The following PTPRN variants were observed in gnomAD, a reference collection of about 807,000 sequenced individuals.
PTPRN encodes the protein protein tyrosine phosphatase receptor type N, also known as receptor-type tyrosine-protein phosphatase-like N.
Under a neutral mutation model 108.5 loss-of-function variants are expected in PTPRN, and 70 were observed. The observed-to-expected ratio is 0.65, with a 90% CI of 0.53 to 0.79. PTPRN has a LOEUF of 0.79. PTPRN is among the 30% of genes least tolerant of loss of function. PTPRN has a pLI of 0.00. For missense variants in PTPRN, 1,136 were observed against 1,295.5 expected, an observed-to-expected ratio of 0.88 and a Z score of 1.89; for synonymous variants, 496 against 524.6, an observed-to-expected ratio of 0.95 and a Z score of 0.75.
At position 219,299,548 on chromosome 2, in the gene PTPRN, C is replaced by A. The variant is rs374440890; in HGVS notation, c.1523+152G>T. ...GGAAGATGCTGGGTGGGGCCAGCAA[C>A]GGGCTGGGTGTGGCTGTACCTTCAG... On this transcript the variant is annotated intron_variant, in intron 10 of 22. Coordinates refer to ENST00000295718, the MANE Select transcript of PTPRN (RefSeq NM_002846.4). The A allele has an allele frequency of 2.8e-5, 32 of 1,137,752 alleles. No individual in the cohort carries two copies. In the Admixed American group the frequency reaches 6.3e-4, roughly 22 times the overall value. 70.5% of individuals were successfully genotyped at this position (1,137,752 alleles called of 1,614,324 possible).
chr2:219,299,473 G>T, intron 10 of PTPRN, 89 bp from the exon 11 acceptor site: 1 of 1,430,140 alleles, frequency 7.0e-7, no homozygotes, highest in Non-Finnish European at 9.9e-7. Context: ...CCCCGTTAGA[G>T]GATGGGGCTG....
Position 219,290,631 on chromosome 2 carries a change from T to A in PTPRN, c.2795-20A>T. The A allele has an allele frequency of 6.5e-7, 1 of 1,549,748 alleles. No individual in the cohort carries two copies. The highest frequency in any genetic ancestry group is 8.7e-7 in the Non-Finnish European group (1 of 1,145,094). ...TCACTCCTGGAGATGGAGGTGGGGA[T>A]GGGGCTGCTCAGGGGGTGTCCAGAG... On this transcript the variant is annotated intron_variant, in intron 21 of 22. Coordinates refer to ENST00000295718, the MANE Select transcript of PTPRN (RefSeq NM_002846.4). This position sits in a 1 kb window ranked among gnomAD's most constrained non-coding sequence, Gnocchi z 4.2.
intron 7 of PTPRN, 94 bp downstream of exon 7, chr2:219,301,494 T>A: frequency 6.8e-7 from 1 of 1,467,372 alleles, no homozygotes; most frequent in South Asian, 1.3e-5. Context: ...GCCTGACTCT[T>A]CCTCTCCAGG....
intron 12 of PTPRN, among the ~76,000 whole-genome samples, chr2:219,298,597 C>A (rs925709038): frequency 4.6e-5 from 7 of 152,144 alleles, no homozygotes; most frequent in African/African-American, 1.4e-4. Flanking sequence ...GTAATCCCAG[C>A]TACTTGGGAG....
intron 6 of PTPRN, 139 bp downstream of exon 6, chr2:219,301,998 G>C (rs1574926239): frequency 2.2e-6 from 2 of 896,754 alleles, no homozygotes; most frequent in Admixed American, 2.9e-5. Flanking sequence ...GCATAGAACA[G>C]CTTGTCAGTA....
Position 219,297,579 on chromosome 2 carries a change from T to TGGAAAG in PTPRN, c.1888-147_1888-146insCTTTCC. The TGGAAAG allele has an allele frequency of 1.2e-6, 1 of 854,520 alleles. No individual in the cohort carries two copies. Among genetic ancestry groups the TGGAAAG allele is most frequent in the Non-Finnish European group, 1.8e-6 (1 of 560,306 alleles). 52.9% of individuals were successfully genotyped at this position (854,520 alleles called of 1,614,324 possible). A position where few individuals can be genotyped will look rare whatever the true frequency, so the allele number is the denominator to read the frequency against. The stretch of plus-strand genomic sequence containing the variant: ...TGGGGTATGGTCTTCTGCCTGGCCC[T>TGGAAAG]GATCCTTTCCAGGGCTGTTTTGCTT... On this transcript the variant is annotated intron_variant, in intron 13 of 22. Coordinates refer to ENST00000295718, the MANE Select transcript of PTPRN (RefSeq NM_002846.4). The surrounding 1 kb of genome is among the most constrained non-coding windows in gnomAD (Gnocchi z 6.0).
intron 19 of PTPRN, among the ~76,000 whole-genome samples, 186 bp downstream of exon 19, chr2:219,294,789 C>T (rs1952140524): frequency 6.6e-6 from 1 of 151,816 alleles, no homozygotes; most frequent in Non-Finnish European, 1.5e-5. Flanking sequence ...GGTGGAGGCT[C>T]GGGGAAGGGC....
At chr2:219,291,188 G>GC (rs1317366949) in intron 20 of PTPRN, among the ~76,000 whole-genome samples, 1 of 152,186 alleles carries the variant, frequency 6.6e-6, no homozygotes, top group Non-Finnish European at 1.5e-5. Context: ...AATTGGATGG[G>GC]CCTCTCTAGC....
intron 1 of PTPRN, chr2:219,308,271 G>C (rs1481272155): frequency 5.2e-6 from 1 of 191,016 alleles, no homozygotes; most frequent in African/African-American, 2.4e-5. Flanking sequence ...GGGTGGGGCT[G>C]GGGAGGGTGT....
In PTPRN at chr2:219,309,286, A is replaced by C. The variant is rs1952567615; in HGVS notation, c.47T>G (p.Leu16Arg). 6.6e-7 allele frequency: 1 copy of C among 1,521,810 alleles called. No homozygotes were observed. The highest frequency in any genetic ancestry group is 2.5e-5 in the East Asian group (1 of 39,956). The allele number at this position is 1,521,810 out of a possible 1,614,324, so 94.3% of individuals were successfully genotyped here. A position where few individuals can be genotyped will look rare whatever the true frequency, so the allele number is the denominator to read the frequency against. ...RPGGLGGSGGLRLLLCLLLLS... is the reference protein window; with the variant it reads ...RPGGLGGSGGRRLLLCLLLLS... ...CAGCAGGAGGCAGAGGAGCAGCCGG[A>C]GACCCCCGGATCCCCCGAGACCCCC... The change falls in exon 1 of 23, where the codon CTC becomes CGC. Residue 16 changes from leucine to arginine, a missense_variant. By Grantham distance (102) the Leu-to-Arg change is moderately radical. Transcript: ENST00000295718.
At chr2:219,308,929 G>A (rs1952553661) in intron 1 of PTPRN, 1 of 1,410,758 alleles carries the variant, frequency 7.1e-7, no homozygotes, top group Admixed American at 2.2e-5. Flanking sequence ...TCTCGCAGCC[G>A]GTCTCTAAGT....
chr2:219,298,638 A>G (rs1952262845), intron 12 of PTPRN, among the ~76,000 whole-genome samples: 1 of 152,242 alleles, frequency 6.6e-6, no homozygotes. Flanking sequence ...TGAACCTGGC[A>G]GGTGGAGGTT....
chr2:219,290,704 T>A lies in PTPRN; in HGVS notation c.2795-93A>T. On this transcript the variant is annotated intron_variant, in intron 21 of 22. Coordinates refer to ENST00000295718, the MANE Select transcript of PTPRN (RefSeq NM_002846.4). This position sits in a 1 kb window ranked among gnomAD's most constrained non-coding sequence, Gnocchi z 4.2. ...GAGGCCTCCTGGAGGCAAAGAGCCTTGGAGGGCTGGGCAGAGCCTGGAGGT... is the reference window on the plus strand; with the variant it reads ...GAGGCCTCCTGGAGGCAAAGAGCCTAGGAGGGCTGGGCAGAGCCTGGAGGT... 6.7e-7 allele frequency: 1 copy of A among 1,486,140 alleles called. No homozygotes were observed. The highest frequency in any genetic ancestry group is 1.8e-5 in the Admixed American group (1 of 55,038). The allele number at this position is 1,486,140 out of a possible 1,614,324, so 92.1% of individuals were successfully genotyped here.
In PTPRN at chr2:219,302,796, A is replaced by G. The variant is rs745652842; in HGVS notation, c.419T>C (p.Leu140Pro). 1.2e-6 allele frequency: 2 copies of G among 1,613,552 alleles called. No individual in the cohort carries two copies. The highest frequency in any genetic ancestry group is 1.7e-6 in the Non-Finnish European group (2 of 1,179,826). The change falls in exon 5 of 23, where the codon CTG (leucine) becomes CCG (proline). Residue 140 changes from leucine to proline, a missense_variant. Physicochemically the swap from Leu to Pro is moderately conservative, Grantham distance 98. Coordinates refer to ENST00000295718, the MANE Select transcript of PTPRN (RefSeq NM_002846.4). ...APKRPGPAGELLLQDIPTGSA... is the reference protein window; with the variant it reads ...APKRPGPAGEPLLQDIPTGSA... ...GCCAGTGGGGATGTCCTGTAAAAGC[A>G]GCTCTCCAGCAGGACCAGGTCTCTT...
At position 219,296,334 on chromosome 2, in the gene PTPRN, C is replaced by T. The variant is rs1952194698; in HGVS notation, c.2400G>A (p.Glu800=). 6.2e-7 allele frequency: 1 copy of T among 1,614,148 alleles called. No individual in the cohort carries two copies. Among genetic ancestry groups the T allele is most frequent in the Non-Finnish European group, 8.5e-7 (1 of 1,180,028 alleles). Residue 800 remains glutamate (E), a synonymous_variant, in exon 18 of 23, where the codon GAG becomes GAA. Transcript: ENST00000295718. This position sits in a 1 kb window ranked among gnomAD's most constrained non-coding sequence, Gnocchi z 6.0. ...GCATGACGATGACGGTGCAGCCGCT[C>T]TCCCACACCATCTAGGGACAGAGAC... ...TIADFWQMVW[E]SGCTVIVMLT...
chr2:219,298,951 G>A (rs1223138617), intron 12 of PTPRN, 96 bp downstream of exon 12: 10 of 1,450,208 alleles, frequency 6.9e-6, no homozygotes, highest in Admixed American at 5.0e-5. Context: ...CTACGGACAC[G>A]TTTCGGCTCC....
chr2:219,297,971 G>A lies in PTPRN; in HGVS notation c.1801C>T (p.Arg601Trp), dbSNP rs564611240. The A allele has an allele frequency of 9.9e-6, 16 of 1,613,824 alleles. No homozygotes were observed. Among genetic ancestry groups the A allele is most frequent in the African/African-American group, 6.7e-5 (5 of 75,062 alleles). ...LVALAVALCV[R>W]QHARQQDKER... ...TTGTCTTGCTGCCGCGCATGCTGCC[G>A]CACACACAGAGCCACAGCCAGAGCC... Residue 601 changes from arginine (R) to tryptophan (W), a missense_variant, in exon 13 of 23, where the codon CGG (arginine) becomes TGG (tryptophan). Physicochemically the swap from Arg to Trp is moderately radical, Grantham distance 101. Coordinates refer to ENST00000295718, the MANE Select transcript of PTPRN (RefSeq NM_002846.4). This position sits in a 1 kb window ranked among gnomAD's most constrained non-coding sequence, Gnocchi z 6.0.
In PTPRN at chr2:219,298,068, C is replaced by A; in HGVS notation, c.1704G>T (p.Ala568=). Reference sequence around the variant, plus strand: ...CTGAGCGCATGGGTGAGGTGCTGTGCGCAGTTTGGGGAAGGACTGCAGCTG... The same window carrying A: ...CTGAGCGCATGGGTGAGGTGCTGTGAGCAGTTTGGGGAAGGACTGCAGCTG... ...EEAAAVLPQT[A]HSTSPMRSVL... Residue 568 remains alanine (A), a synonymous_variant, in exon 13 of 23, where the codon GCG becomes GCT. Coordinates refer to ENST00000295718, the MANE Select transcript of PTPRN (RefSeq NM_002846.4). 6.2e-7 allele frequency: 1 copy of A among 1,613,878 alleles called. No individual in the cohort carries two copies. Among genetic ancestry groups the A allele is most frequent in the Non-Finnish European group, 8.5e-7 (1 of 1,179,976 alleles).
At position 219,297,784 on chromosome 2, in the gene PTPRN, G is replaced by A. The variant is rs1215768287; in HGVS notation, c.1887+101C>T. ...CTCCACTGGACCTTCCCAGGGATGA[G>A]GGCTCACTCCCCATTCAGTTCCGAC... On this transcript the variant is annotated intron_variant, in intron 13 of 22. Coordinates refer to ENST00000295718, the MANE Select transcript of PTPRN (RefSeq NM_002846.4). This position sits in a 1 kb window ranked among gnomAD's most constrained non-coding sequence, Gnocchi z 6.0. The A allele has an allele frequency of 5.9e-6, 8 of 1,354,740 alleles. No individual in the cohort carries two copies. In the East Asian group the frequency reaches 1.5e-4, roughly 26 times the overall value. The allele number at this position is 1,354,740 out of a possible 1,614,324, so 83.9% of individuals were successfully genotyped here.
Sources: gnomAD v4.1 joint callset for allele counts (sites outside exome capture counted in the v4.1 genomes callset) on GRCh38, gnomAD v4.1.1 for gene constraint, Gnocchi (gnomAD v3.1) non-coding constraint, MANE v1.5 for transcripts, NCBI Gene and HGNC (gene_info 2026-07-23, HGNC 2026-07-21) for gene names.